CCDC6: variants seen among roughly 807,000 people sequenced by gnomAD.
The protein encoded by CCDC6 is coiled-coil domain containing 6, also known as coiled-coil domain-containing protein 6.
Under a neutral mutation model 56.6 loss-of-function variants are expected in CCDC6, and 20 were observed. The observed-to-expected ratio is 0.35, with a 90% CI of 0.25 to 0.51. The LOEUF (loss-of-function observed/expected upper bound fraction) is 0.51, where lower values mean the gene tolerates loss of function less well. Among genes scored for constraint, CCDC6 ranks in the 20% least tolerant of loss-of-function variants. The probability of loss-of-function intolerance (pLI) is 0.95; values close to 1 mark genes in which losing one functional copy is unlikely to be tolerated. For synonymous variants in CCDC6, 241 were observed against 234.4 expected (o/e 1.03, Z -0.26); for missense variants, 367 against 601.1 (o/e 0.61, Z 4.07).
chr10:59,873,667 G>A (rs2071252032), intron 1 of CCDC6, among the ~76,000 whole-genome samples: 1 of 152,108 alleles, frequency 6.6e-6, no homozygotes, highest in Admixed American at 6.5e-5. Flanking sequence ...GGCCTCATGG[G>A]ATAAGAGACT....
chr10:59,863,115 A>T (rs2071148091), intron 1 of CCDC6, among the ~76,000 whole-genome samples: 1 of 152,194 alleles, frequency 6.6e-6, no homozygotes, highest in African/African-American at 2.4e-5. Flanking sequence ...AAAAAAATAC[A>T]TTTTTTAATA....
chr10:59,815,566 A>G (rs895665912), intron 3 of CCDC6, among the ~76,000 whole-genome samples: 9 of 152,228 alleles, frequency 5.9e-5, no homozygotes, highest in Non-Finnish European at 1.3e-4. Flanking sequence ...GTGAAACAGT[A>G]TGAAACAGAT....
In CCDC6 at chr10:59,804,794, A is replaced by C. The variant is rs111440395; in HGVS notation, c.1005-274T>G. On this transcript the variant is annotated intron_variant, in intron 6 of 8. Coordinates refer to ENST00000263102, the MANE Select transcript of CCDC6 (RefSeq NM_005436.5). ...GAAAGAGGTGCACCACACCACAGAG[A>C]GGACCAGTTTTTCCTCCATCACACA... The C allele has an allele frequency of 2.3e-3, 761 of 336,396 alleles. 3 individuals are homozygous for C. The highest frequency in any genetic ancestry group is 3.4e-3 in the Non-Finnish European group (604 of 179,332). 20.8% of individuals were successfully genotyped at this position (336,396 alleles called of 1,614,324 possible).
intron 7 of CCDC6, among the ~76,000 whole-genome samples, chr10:59,802,234 C>T (rs1000289196): frequency 6.6e-6 from 1 of 152,132 alleles, no homozygotes; most frequent in Non-Finnish European, 1.5e-5. Flanking sequence ...TTTTCAAGTA[C>T]ATTTTCAATA....
At chr10:59,890,217 CAT>C (rs2071411600) in intron 1 of CCDC6, among the ~76,000 whole-genome samples, 1 of 152,108 alleles carries the variant, frequency 6.6e-6, no homozygotes. Flanking sequence ...GGTTTCGTAA[CAT>C]GTGGCCAAGT....
At position 59,794,267 on chromosome 10, in the gene CCDC6, G is replaced by A. The variant is rs181519856; in HGVS notation, c.1230+206C>T. Among the ~76,000 whole-genome samples the A allele has an allele frequency of 3.2e-3, 485 of 152,342 alleles. 3 individuals carry two copies. The highest frequency in any genetic ancestry group is 0.011 in the African/African-American group (464 of 41,576). On this transcript the variant is annotated intron_variant, in intron 8 of 8. Coordinates refer to ENST00000263102, the MANE Select transcript of CCDC6 (RefSeq NM_005436.5). ...AGGGTAATTTTTCATAGGAAGTGAA[G>A]TTAAAGTTTTGTCTCCTGGGAAGGA...
chr10:59,812,858 T>C (rs768593956), intron 4 of CCDC6, 63 bp from the exon 5 acceptor site: 21 of 1,233,858 alleles, frequency 1.7e-5, no homozygotes, highest in Admixed American at 5.9e-5. Context: ...CAAAACAACA[T>C]ACTAGCTGGC....
intron 7 of CCDC6, among the ~76,000 whole-genome samples, chr10:59,799,307 C>T (rs2070553085): frequency 6.6e-6 from 1 of 151,906 alleles, no homozygotes; most frequent in East Asian, 1.9e-4. Context: ...TGGCGGGTGC[C>T]TGTAATCCCA....
At chr10:59,822,620 T>C (rs968542066) in intron 3 of CCDC6, among the ~76,000 whole-genome samples, 1 of 152,054 alleles carries the variant, frequency 6.6e-6, no homozygotes, top group African/African-American at 2.4e-5. Flanking sequence ...TCTTGCTGGG[T>C]GTGGTGGTGC....
chr10:59,794,590 T>C lies in CCDC6; in HGVS notation c.1113A>G (p.Ser371=). The C allele has an allele frequency of 6.2e-7, 1 of 1,613,844 alleles. No homozygotes were observed. Among genetic ancestry groups the C allele is most frequent in the Middle Eastern group, 1.6e-4 (1 of 6,062 alleles). Residue 371 remains serine (S), a synonymous_variant, in exon 8 of 9, where the codon TCA becomes TCG. Transcript: ENST00000263102. ...TGAAACCAACCGTGTGACTTGCATA[T>C]GATAGACCTAAAATATAACAACAAA... ...SSSRPISPGL[S]YASHTVGFTP...
intron 3 of CCDC6, among the ~76,000 whole-genome samples, chr10:59,821,615 G>A (rs894443699): frequency 3.3e-5 from 5 of 152,170 alleles, no homozygotes; most frequent in African/African-American, 4.8e-5. Context: ...CAAGTTCTAG[G>A]TCATCACACA....
At chr10:59,865,673 G>A (rs574861318) in intron 1 of CCDC6, among the ~76,000 whole-genome samples, 20 of 151,962 alleles carry the variant, frequency 1.3e-4, no homozygotes, top group African/African-American at 3.9e-4. Flanking sequence ...CCAACATGGT[G>A]AAACTCTGTC....
At chr10:59,842,878 C>A (rs1203782431) in intron 2 of CCDC6, among the ~76,000 whole-genome samples, 2 of 151,972 alleles carry the variant, frequency 1.3e-5, no homozygotes, top group East Asian at 3.9e-4. Context: ...CTCAACCTCC[C>A]GAGTAGCTGG....
intron 3 of CCDC6, among the ~76,000 whole-genome samples, chr10:59,828,677 G>C (rs983020810): frequency 2.0e-5 from 3 of 152,146 alleles, no homozygotes; most frequent in Non-Finnish European, 2.9e-5. Context: ...TTTCTGAAAA[G>C]GGAGCATGAG....
chr10:59,832,218 C>T (rs2070840823), intron 3 of CCDC6, among the ~76,000 whole-genome samples: 1 of 152,196 alleles, frequency 6.6e-6, no homozygotes, highest in South Asian at 2.1e-4. Context: ...AGAAACTATC[C>T]TGTGGTCAAA....
intron 7 of CCDC6, among the ~76,000 whole-genome samples, chr10:59,799,889 T>C (rs2070558321): frequency 6.6e-6 from 1 of 152,178 alleles, no homozygotes; most frequent in Non-Finnish European, 1.5e-5. Context: ...AAGGTTGTCA[T>C]GAGGATGAAA....
chr10:59,803,758 T>C (rs556910469), intron 7 of CCDC6, among the ~76,000 whole-genome samples: 2 of 152,220 alleles, frequency 1.3e-5, no homozygotes, highest in African/African-American at 2.4e-5. Flanking sequence ...GAGGGAAAGG[T>C]TGTGAGGGCA....
At chr10:59,839,424 G>T (rs998725334) in intron 2 of CCDC6, among the ~76,000 whole-genome samples, 1 of 152,150 alleles carries the variant, frequency 6.6e-6, no homozygotes. Flanking sequence ...ACTTCATATG[G>T]ACTGTTTGCT....
At position 59,904,612 on chromosome 10, in the gene CCDC6, G is replaced by A. The variant is rs574477735; in HGVS notation, c.303+1510C>T. Among the ~76,000 whole-genome samples the A allele has an allele frequency of 9.4e-4, 143 of 152,302 alleles. 1 individual carries two copies. The highest frequency in any genetic ancestry group is 3.4e-3 in the African/African-American group (142 of 41,568). On this transcript the variant is annotated intron_variant, in intron 1 of 8. Transcript: ENST00000263102. Reference sequence around the variant, plus strand: ...TGTCAGCGAAGAAAGCTGCATAGGAGGCTTGGAAGTGGCTGCCTCTGCAAA... The same window carrying A: ...TGTCAGCGAAGAAAGCTGCATAGGAAGCTTGGAAGTGGCTGCCTCTGCAAA...
Sources: gnomAD v4.1 joint callset for allele counts (sites outside exome capture counted in the v4.1 genomes callset) on GRCh38, gnomAD v4.1.1 for gene constraint, MANE v1.5 for transcripts, NCBI Gene and HGNC (gene_info 2026-07-23, HGNC 2026-07-21) for gene names.